Variants in EEFSEC observed in about 807,000 individuals in gnomAD.
The protein encoded by EEFSEC is eukaryotic elongation factor, selenocysteine-tRNA specific.
In EEFSEC, 43 loss-of-function variants were observed where a neutral mutation model predicts 42.1. The observed-to-expected ratio is 1.02, with a 90% CI of 0.80 to 1.32. The LOEUF (loss-of-function observed/expected upper bound fraction) is 1.32, where lower values mean the gene tolerates loss of function less well. Among genes scored for constraint, EEFSEC ranks in the 40% most tolerant of loss-of-function variants. The pLI is 0.00. For synonymous variants in EEFSEC, 354 were observed against 339.1 expected (o/e 1.04, Z -0.48); for missense variants, 745 against 803.6 (o/e 0.93, Z 0.88).
At chr3:128,262,292 C>A in intron 3 of EEFSEC, 68 bp downstream of exon 3, 1 of 1,405,728 alleles carries the variant, frequency 7.1e-7, no homozygotes, top group South Asian at 1.2e-5. Flanking sequence ...CTTTGTGTCC[C>A]TCTCTCCCCT....
intron 4 of EEFSEC, among the ~76,000 whole-genome samples, chr3:128,306,733 T>C (rs2066831247): frequency 6.6e-6 from 1 of 152,276 alleles, no homozygotes; most frequent in Non-Finnish European, 1.5e-5. Context: ...TATCTTCTCA[T>C]TTAATTCACG....
intron 6 of EEFSEC, among the ~76,000 whole-genome samples, chr3:128,369,770 A>G (rs1368923933): frequency 6.6e-6 from 1 of 152,196 alleles, no homozygotes; most frequent in African/African-American, 2.4e-5. Flanking sequence ...TGGAAAGCTT[A>G]TTGAGCAGTG....
At chr3:128,167,505 A>G (rs2065252730) in intron 1 of EEFSEC, among the ~76,000 whole-genome samples, 1 of 152,262 alleles carries the variant, frequency 6.6e-6, no homozygotes, top group Non-Finnish European at 1.5e-5. Context: ...TTGAGGTTAG[A>G]CAAGTTAATC....
intron 1 of EEFSEC, among the ~76,000 whole-genome samples, chr3:128,215,232 G>A (rs1031590978): frequency 6.6e-6 from 1 of 152,068 alleles, no homozygotes; most frequent in African/African-American, 2.4e-5. Flanking sequence ...AATGTTAGGG[G>A]GTGAAGCTCC....
intron 4 of EEFSEC, among the ~76,000 whole-genome samples, chr3:128,307,672 CTG>C (rs2066845956): frequency 6.6e-6 from 1 of 152,222 alleles, no homozygotes; most frequent in Non-Finnish European, 1.5e-5. Flanking sequence ...TGTATTTAGA[CTG>C]ACTCCTGCAG....
intron 1 of EEFSEC, among the ~76,000 whole-genome samples, chr3:128,204,556 T>C (rs1338474134): frequency 6.6e-6 from 1 of 152,190 alleles, no homozygotes. Flanking sequence ...GTCTAACTAC[T>C]CTGTGTTCAG....
At chr3:128,155,910 C>T (rs1173008986) in intron 1 of EEFSEC, among the ~76,000 whole-genome samples, 1 of 152,212 alleles carries the variant, frequency 6.6e-6, no homozygotes, top group African/African-American at 2.4e-5. Flanking sequence ...ATCCATGTTT[C>T]AGTCAGGTGA....
chr3:128,349,728 G>A (rs1208489715), intron 5 of EEFSEC, among the ~76,000 whole-genome samples: 3 of 152,202 alleles, frequency 2.0e-5, no homozygotes, highest in African/African-American at 7.2e-5. Context: ...CTCTTACTCA[G>A]AAATCTCTTT....
intron 4 of EEFSEC, among the ~76,000 whole-genome samples, chr3:128,280,193 A>G (rs1370791296): frequency 6.6e-6 from 1 of 152,246 alleles, no homozygotes; most frequent in African/African-American, 2.4e-5. Context: ...AAAATCTGGA[A>G]GGAGACAGCA....
At chr3:128,422,551 C>G in the EEFSEC span, among the ~76,000 whole-genome samples, 2 of 151,966 alleles carry the variant, frequency 1.3e-5, no homozygotes, top group Non-Finnish European at 2.9e-5. Flanking sequence ...GGGCCAGACC[C>G]TGAGAAACTC....
chr3:128,222,784 G>T (rs2065873602), intron 1 of EEFSEC, among the ~76,000 whole-genome samples: 1 of 152,226 alleles, frequency 6.6e-6, no homozygotes, highest in African/African-American at 2.4e-5. Context: ...GAAGGGACAG[G>T]AATATATGAA....
intron 6 of EEFSEC, among the ~76,000 whole-genome samples, chr3:128,365,937 G>T (rs182938454): frequency 2.6e-5 from 4 of 152,170 alleles, no homozygotes; most frequent in Non-Finnish European, 5.9e-5. Flanking sequence ...TGTCTCTCCC[G>T]GGACCAGTAC....
intron 1 of EEFSEC, among the ~76,000 whole-genome samples, chr3:128,241,016 A>AAC (rs2066064593): frequency 6.6e-6 from 1 of 152,182 alleles, no homozygotes; most frequent in African/African-American, 2.4e-5. Flanking sequence ...TTTGTCCTGG[A>AAC]ACACCCGCAG....
At position 128,208,744 on chromosome 3, in the gene EEFSEC, G is replaced by A. The variant is rs369799367; in HGVS notation, c.317-38092G>A. The stretch of plus-strand genomic sequence containing the variant: ...ATCTCTATCAGATGTTAGAGTCACA[G>A]CTCACCCAGTGAGATGGCCACATTG... On this transcript the variant is annotated intron_variant, in intron 1 of 6. Coordinates refer to ENST00000254730, the MANE Select transcript of EEFSEC (RefSeq NM_021937.5). Among the ~76,000 whole-genome samples the A allele has an allele frequency of 4.7e-4, 71 of 152,314 alleles. 1 individual carries two copies. Among genetic ancestry groups the A allele is most frequent in the Middle Eastern group, 3.4e-3 (1 of 294 alleles).
At chr3:128,421,867 G>A in the EEFSEC span, among the ~76,000 whole-genome samples, 146 of 152,310 alleles carry the variant, frequency 9.6e-4, 1 homozygote, top group African/African-American at 3.4e-3. Flanking sequence ...GCTGGGCCCA[G>A]TGGCTGCCAT....
intron 4 of EEFSEC, among the ~76,000 whole-genome samples, chr3:128,307,900 C>G (rs891684232): frequency 6.6e-6 from 1 of 152,212 alleles, no homozygotes; most frequent in Admixed American, 6.5e-5. Flanking sequence ...TGTGCGCTCT[C>G]CCTGTAGGCC....
At chr3:128,355,557 T>C (rs1435477332) in intron 5 of EEFSEC, among the ~76,000 whole-genome samples, 1 of 151,822 alleles carries the variant, frequency 6.6e-6, no homozygotes, top group East Asian at 1.9e-4. Context: ...TCCAATTATT[T>C]ACTTTTAATA....
chr3:128,401,825 C>G (rs1193282338), intron 6 of EEFSEC, among the ~76,000 whole-genome samples: 1 of 152,154 alleles, frequency 6.6e-6, no homozygotes, highest in Non-Finnish European at 1.5e-5. Flanking sequence ...TTGATGCAAG[C>G]AGCAGAGCAG....
chr3:128,249,155 C>G (rs2066157962), intron 2 of EEFSEC, among the ~76,000 whole-genome samples: 6 of 152,178 alleles, frequency 3.9e-5, no homozygotes, highest in Admixed American at 3.9e-4. Flanking sequence ...AACTTTCTGT[C>G]TATAAAGGGA....
Sources: gnomAD v4.1 joint callset for allele counts (sites outside exome capture counted in the v4.1 genomes callset) on GRCh38, gnomAD v4.1.1 for gene constraint, MANE v1.5 for transcripts, NCBI Gene and HGNC (gene_info 2026-07-23, HGNC 2026-07-21) for gene names.